The following MAPK6 variants were observed in gnomAD, a reference collection of about 807,000 sequenced individuals.
MAPK6 encodes the protein mitogen-activated protein kinase 6.
A neutral mutation model predicts 59.3 loss-of-function variants in MAPK6; 19 were observed. The observed-to-expected ratio is 0.32, with a 90% CI of 0.22 to 0.47. The LOEUF (loss-of-function observed/expected upper bound fraction) is 0.47. MAPK6 is among the 20% of genes least tolerant of loss of function. The pLI is 1.00. For synonymous variants in MAPK6, 316 were observed against 290.3 expected (o/e 1.09, Z -0.90); for missense variants, 724 against 847.9 (o/e 0.85, Z 1.81).
At chr15:52,032,679 ACTTTTTTT>A (rs1390600704) in intron 1 of MAPK6, among the ~76,000 whole-genome samples, 3 of 151,692 alleles carry the variant, frequency 2.0e-5, no homozygotes, top group Non-Finnish European at 4.4e-5. Flanking sequence ...TTTTTTAAAT[ACTTTTTTT>A]CTTTTTTTGT....
At chr15:52,048,956 T>TAATA (rs1228508504) in intron 2 of MAPK6, among the ~76,000 whole-genome samples, 4 of 152,180 alleles carry the variant, frequency 2.6e-5, no homozygotes, top group Non-Finnish European at 5.9e-5. Flanking sequence ...AGCACTGAAC[T>TAATA]AATAAGACTT....
intron 3 of MAPK6, among the ~76,000 whole-genome samples, chr15:52,052,722 A>G (rs974096513): frequency 1.3e-5 from 2 of 152,210 alleles, no homozygotes; most frequent in Non-Finnish European, 2.9e-5. Context: ...ATATGTTAGT[A>G]CTTTTTTCCT....
rs183539471 is a variant in MAPK6, at chr15:52,044,180, G to C, written c.-631-1650G>C. On this transcript the variant is annotated intron_variant, in intron 1 of 5. Transcript: ENST00000261845. ...AGAATTTTTAGGACTTTTTTTTTGG[G>C]GGGGCGGGCTAGGAGGGCTGATTTC... 5.7e-4 allele frequency among the ~76,000 whole-genome samples: 87 copies of C among 151,842 alleles called. 5 individuals carry two copies. Among genetic ancestry groups the C allele is most frequent in the Admixed American group, 3.1e-3 (48 of 15,254 alleles).
At chr15:52,014,482 C>T (rs1292689876), upstream of MAPK6, among the ~76,000 whole-genome samples, 6 of 152,046 alleles carry the variant, frequency 3.9e-5, no homozygotes, top group Non-Finnish European at 8.8e-5. Context: ...AGGCCTGAGG[C>T]AGGAGGATCA....
At chr15:52,033,492 G>T (rs1365263456) in intron 1 of MAPK6, among the ~76,000 whole-genome samples, 5 of 152,206 alleles carry the variant, frequency 3.3e-5, no homozygotes, top group Non-Finnish European at 7.3e-5. Flanking sequence ...ACTCCAGATT[G>T]TTTGGGCTTT....
chr15:52,013,671 A>C (rs532403715), intron 3 of MAPK6, among the ~76,000 whole-genome samples: 2 of 152,258 alleles, frequency 1.3e-5, no homozygotes, highest in South Asian at 4.1e-4. Flanking sequence ...CATGAGATAC[A>C]GTTTGGTTTG....
intron 2 of MAPK6, among the ~76,000 whole-genome samples, chr15:51,992,806 A>G (rs939389400): frequency 8.5e-5 from 13 of 152,112 alleles, no homozygotes; most frequent in Admixed American, 8.5e-4. Context: ...ATACGGATGG[A>G]TGAACAGTCG....
chr15:51,973,204 T>G (rs1205356494), intron 1 of MAPK6, among the ~76,000 whole-genome samples: 2 of 151,906 alleles, frequency 1.3e-5, no homozygotes, highest in African/African-American at 4.8e-5. Context: ...ATCCTAGAGC[T>G]TTTGTGTATG....
At chr15:51,995,600 G>C (rs1389941515) in intron 2 of MAPK6, among the ~76,000 whole-genome samples, 1 of 152,130 alleles carries the variant, frequency 6.6e-6, no homozygotes, top group Non-Finnish European at 1.5e-5. Flanking sequence ...AGCTGCCTCC[G>C]CTATAGTTGT....
intron 4 of MAPK6, among the ~76,000 whole-genome samples, chr15:52,059,420 A>G (rs1472150803): frequency 6.6e-6 from 1 of 152,152 alleles, no homozygotes; most frequent in African/African-American, 2.4e-5. Context: ...AAGCCACCAC[A>G]CCTGGCCAAG....
At chr15:52,038,967 G>GTT (rs1422079221) in intron 1 of MAPK6, among the ~76,000 whole-genome samples, 1 of 152,160 alleles carries the variant, frequency 6.6e-6, no homozygotes, top group Non-Finnish European at 1.5e-5. Flanking sequence ...GTTATTACTA[G>GTT]TTTATCTGGT....
Position 52,046,640 on chromosome 15 carries a change from A to C in MAPK6, c.180A>C (p.Lys60Asn). ...TCCTTACTGATCCCCAGAGTGTCAA[A>C]CATGCTCTACGTGAAATCAAAATTA... ...KIVLTDPQSV[K>N]HALREIKIIR... The change falls in exon 2 of 6, where the codon AAA becomes AAC. Residue 60 changes from lysine (K) to asparagine (N), a missense_variant. Lys to Asn is a moderately conservative substitution (Grantham distance 94). This residue lies in a region of MAPK6 where 87 missense variants were observed against 93.0 expected (regional missense o/e 0.93). Coordinates refer to ENST00000261845, the MANE Select transcript of MAPK6 (RefSeq NM_002748.4). The C allele has an allele frequency of 6.2e-7, 1 of 1,614,204 alleles. No individual in the cohort carries two copies. Among genetic ancestry groups the C allele is most frequent in the Non-Finnish European group, 8.5e-7 (1 of 1,180,020 alleles).
chr15:52,031,224 C>T (rs1439192488), intron 1 of MAPK6, among the ~76,000 whole-genome samples: 1 of 152,082 alleles, frequency 6.6e-6, no homozygotes, highest in Non-Finnish European at 1.5e-5. Context: ...TGAGCCACTG[C>T]CCCCAGCCAG....
chr15:52,040,512 C>T (rs1053574683), intron 1 of MAPK6, among the ~76,000 whole-genome samples: 1 of 152,066 alleles, frequency 6.6e-6, no homozygotes, highest in African/African-American at 2.4e-5. Context: ...TGTTTATGGC[C>T]CTTACTTCAA....
At chr15:51,991,215 ATATATATGTG>A (rs1315355274) in intron 2 of MAPK6, among the ~76,000 whole-genome samples, 10 of 152,070 alleles carry the variant, frequency 6.6e-5, no homozygotes, top group African/African-American at 2.4e-4. Context: ...GTACATATGT[ATATATATGTG>A]TATATATGTG....
intron 3 of MAPK6, among the ~76,000 whole-genome samples, chr15:52,050,637 G>T (rs1566910721): frequency 6.6e-6 from 1 of 152,280 alleles, no homozygotes. Context: ...CAAAGCATAG[G>T]TCTGTATAAA....
At chr15:52,058,986 T>C (rs1809580606) in intron 4 of MAPK6, among the ~76,000 whole-genome samples, 189 bp downstream of exon 4, 1 of 152,114 alleles carries the variant, frequency 6.6e-6, no homozygotes, top group Non-Finnish European at 1.5e-5. Flanking sequence ...CTACGATCTG[T>C]TTTTTTGGTT....
chr15:52,057,045 A>T (rs1173556409), intron 3 of MAPK6: 1 of 152,208 alleles, frequency 6.6e-6, no homozygotes, highest in Non-Finnish European at 1.5e-5. Flanking sequence ...TGCTTAGACA[A>T]AAATCTTGTC....
intron 1 of MAPK6, among the ~76,000 whole-genome samples, chr15:52,028,244 G>A (rs1331431507): frequency 1.3e-5 from 2 of 151,830 alleles, no homozygotes; most frequent in East Asian, 1.9e-4. Flanking sequence ...GAACCACCGC[G>A]CCCGGCAATT....
Sources: gnomAD v4.1 joint callset for allele counts (sites outside exome capture counted in the v4.1 genomes callset) on GRCh38, gnomAD v4.1.1 for gene constraint, gnomAD v4.1.1 regional missense constraint, MANE v1.5 for transcripts, NCBI Gene and HGNC (gene_info 2026-07-23, HGNC 2026-07-21) for gene names.